The following FUBP3 variants were observed in gnomAD, a reference collection of about 807,000 sequenced individuals.
The protein encoded by FUBP3 is far upstream element binding protein 3.
In FUBP3, 28 loss-of-function variants were observed where a neutral mutation model predicts 85.6. The ratio of observed to expected loss-of-function variants is 0.33; its 90% CI spans 0.24 to 0.45. FUBP3 has a LOEUF of 0.45. FUBP3 is among the 20% of genes least tolerant of loss of function. The pLI, the probability that FUBP3 is intolerant of heterozygous loss-of-function variation, is 1.00. For synonymous variants in FUBP3, 271 were observed against 271.4 expected (o/e 1.00, Z 0.01); for missense variants, 583 against 755.1 (o/e 0.77, Z 2.67).
At chr9:130,633,958 C>T (rs192275130) in intron 16 of FUBP3, among the ~76,000 whole-genome samples, 1 of 152,296 alleles carries the variant, frequency 6.6e-6, no homozygotes, top group Non-Finnish European at 1.5e-5. Context: ...GGCAGGTGGA[C>T]ACCTGAGCCA....
At chr9:130,614,870 G>C (rs1831923019) in intron 6 of FUBP3, among the ~76,000 whole-genome samples, 1 of 152,184 alleles carries the variant, frequency 6.6e-6, no homozygotes, top group Non-Finnish European at 1.5e-5. Context: ...ACAGTCTTAA[G>C]ACTAACATTG....
In FUBP3 at chr9:130,626,459, A is replaced by G; in HGVS notation, c.1071A>G (p.Ile357Met). ...SVGAPGGVQE[I>M]TYTVPADKCG... Reference sequence around the variant, plus strand: ...GAGCCCCTGGTGGCGTCCAGGAGATAACATACACGGTGCCAGCCGATAAGT... The same window carrying G: ...GAGCCCCTGGTGGCGTCCAGGAGATGACATACACGGTGCCAGCCGATAAGT... Residue 357 changes from isoleucine to methionine, a missense_variant, in exon 12 of 19, where the codon ATA becomes ATG. Around this residue, in one of 3 missense-constraint regions of FUBP3, gnomAD observed 404 missense variants for 516.8 expected, o/e 0.78. Coordinates refer to ENST00000319725, the MANE Select transcript of FUBP3 (RefSeq NM_003934.2). The G allele has an allele frequency of 6.2e-7, 1 of 1,614,168 alleles. No individual in the cohort carries two copies. The highest frequency in any genetic ancestry group is 1.1e-5 in the South Asian group (1 of 91,064).
intron 13 of FUBP3, 34 bp downstream of exon 13, chr9:130,630,822 T>G (rs202207366): frequency 9.9e-6 from 14 of 1,411,134 alleles, no homozygotes; most frequent in Non-Finnish European, 1.2e-5. Context: ...CCTGGTTTAC[T>G]CATAGCTGTT....
chr9:130,631,429 T>C, intron 13 of FUBP3, 128 bp from the exon 14 acceptor site: 1 of 1,244,964 alleles, frequency 8.0e-7, no homozygotes, highest in Non-Finnish European at 1.1e-6. Flanking sequence ...CTAGTGTGAG[T>C]GCGTAGGTGT....
At chr9:130,588,599 A>G (rs1830451422) in intron 1 of FUBP3, among the ~76,000 whole-genome samples, 1 of 152,338 alleles carries the variant, frequency 6.6e-6, no homozygotes, top group East Asian at 1.9e-4. Flanking sequence ...TACATTTGTT[A>G]TCTTGTTATC....
At chr9:130,611,729 C>T (rs530642951) in intron 3 of FUBP3, among the ~76,000 whole-genome samples, 2 of 146,892 alleles carry the variant, frequency 1.4e-5, no homozygotes, top group South Asian at 4.3e-4. Context: ...GGGTGTTGGG[C>T]AAATTGGACA....
rs1831807744 is a variant in FUBP3 at position 130,612,692 on chromosome 9, G to A, written c.274+187G>A. 6.6e-6 allele frequency among the ~76,000 whole-genome samples: 1 copy of A among 152,126 alleles called. No homozygotes were observed. The highest frequency in any genetic ancestry group is 2.4e-5 in the African/African-American group (1 of 41,410). On this transcript the variant is annotated intron_variant, in intron 4 of 18. Transcript: ENST00000319725. This position sits in a 1 kb window ranked among gnomAD's most constrained non-coding sequence, Gnocchi z 4.1. ...ATGCTGCAGGTCTCTTCAGGCTGAG[G>A]GAGAAACCAGAGCACTGGACTGTGG...
At position 130,616,596 on chromosome 9, in the gene FUBP3, G is replaced by T; in HGVS notation, c.567+79G>T. On this transcript the variant is annotated intron_variant, in intron 7 of 18. Coordinates refer to ENST00000319725, the MANE Select transcript of FUBP3 (RefSeq NM_003934.2). This position sits in a 1 kb window ranked among gnomAD's most constrained non-coding sequence, Gnocchi z 4.7. ...TTCCTGGCCCAGGAGATCTGCTTAC[G>T]GCTGGCATTCCCTGGCTGGGCTGGC... is the stretch of plus-strand genomic sequence containing the variant. The T allele has an allele frequency of 1.5e-6, 2 of 1,370,376 alleles. No homozygotes were observed. The highest frequency in any genetic ancestry group is 2.3e-5 in the East Asian group (1 of 43,562). 84.9% of individuals were successfully genotyped at this position (1,370,376 alleles called of 1,614,324 possible).
chr9:130,603,605 G>A (rs1831275942), intron 2 of FUBP3, among the ~76,000 whole-genome samples: 1 of 152,138 alleles, frequency 6.6e-6, no homozygotes, highest in South Asian at 2.1e-4. Flanking sequence ...TCATGTGACT[G>A]GTTGGTGGAC....
chr9:130,623,324 C>T (rs945953072), intron 10 of FUBP3, among the ~76,000 whole-genome samples: 5 of 152,138 alleles, frequency 3.3e-5, no homozygotes. Flanking sequence ...TGCTCTGACT[C>T]CCTTGGCTTT....
intron 1 of FUBP3, 35 bp downstream of exon 1, chr9:130,579,799 C>A: frequency 8.2e-7 from 1 of 1,221,394 alleles, no homozygotes; most frequent in Non-Finnish European, 1.0e-6. Flanking sequence ...AGCACGAGAT[C>A]CCGAGGCGGG....
chr9:130,614,400 G>A, intron 6 of FUBP3, 55 bp downstream of exon 6: 1 of 1,124,668 alleles, frequency 8.9e-7, no homozygotes, highest in Admixed American at 1.7e-5. Context: ...TCCCCAAATG[G>A]GGAGAAATGG....
chr9:130,620,982 G>A (rs975719471), intron 9 of FUBP3, among the ~76,000 whole-genome samples: 2 of 152,202 alleles, frequency 1.3e-5, no homozygotes, highest in Admixed American at 6.5e-5. Flanking sequence ...AAAGCTGTCA[G>A]ATGCTGGGGG....
chr9:130,629,397 C>T (rs1344438326), intron 12 of FUBP3, among the ~76,000 whole-genome samples: 1 of 152,212 alleles, frequency 6.6e-6, no homozygotes, highest in Admixed American at 6.5e-5. Context: ...CTGCATGCGA[C>T]CTTATCTGCA....
chr9:130,579,625 G>T lies in FUBP3; in HGVS notation c.-56G>T. ...GCGGAGCGGGAGGCCGGACCGGGGA[G>T]CCGAGCGGCGGCGTCGGCGGCGTCG... On this transcript the variant is annotated 5_prime_UTR_variant, in exon 1 of 19. Coordinates refer to ENST00000319725, the MANE Select transcript of FUBP3 (RefSeq NM_003934.2). 9.1e-7 allele frequency: 1 copy of T among 1,098,790 alleles called. No homozygotes were observed. The allele number at this position is 1,098,790 out of a possible 1,614,324, so 68.1% of individuals were successfully genotyped here.
At chr9:130,623,741 T>G (rs1291006425) in intron 11 of FUBP3, 30 bp downstream of exon 11, 21 of 1,478,272 alleles carry the variant, frequency 1.4e-5, no homozygotes, top group Non-Finnish European at 1.9e-5. Context: ...GTGTGAGTGT[T>G]TGGGCTGCAG....
intron 1 of FUBP3, among the ~76,000 whole-genome samples, chr9:130,585,700 G>C (rs933357253): frequency 1.3e-5 from 2 of 152,190 alleles, no homozygotes; most frequent in African/African-American, 4.8e-5. Flanking sequence ...AGATCACTTC[G>C]TGCCCTCTTT....
chr9:130,636,907 G>T (rs1830441108), intron 18 of FUBP3, 107 bp from the exon 19 acceptor site: 1 of 935,160 alleles, frequency 1.1e-6, no homozygotes, highest in South Asian at 1.3e-5. Flanking sequence ...TTCAGCAGAG[G>T]TTTTGTCTGG....
At chr9:130,589,993 A>G (rs571241660) in intron 1 of FUBP3, among the ~76,000 whole-genome samples, 52 of 135,772 alleles carry the variant, frequency 3.8e-4, no homozygotes, top group African/African-American at 1.4e-3. Flanking sequence ...GGGATTACAG[A>G]TATGAGCCAC....
Sources: allele counts gnomAD v4.1 joint callset (sites outside exome capture counted in the v4.1 genomes callset), GRCh38; gene constraint gnomAD v4.1.1; regional missense constraint gnomAD v4.1.1; non-coding constraint Gnocchi (gnomAD v3.1); transcripts MANE v1.5; gene names NCBI Gene and HGNC (gene_info 2026-07-23, HGNC 2026-07-21).